Variants in CSMD1 observed in about 807,000 individuals in gnomAD.
CSMD1 encodes CUB and Sushi multiple domains 1.
In CSMD1, 213 loss-of-function variants were observed where a neutral mutation model predicts 417.5. The observed-to-expected ratio is 0.51, with a 90% CI of 0.46 to 0.57. The LOEUF is 0.57. Ranked by LOEUF, CSMD1 falls within the 20% of genes least tolerant of loss-of-function variation. The pLI, the probability that CSMD1 is intolerant of heterozygous loss-of-function variation, is 0.00. For synonymous variants in CSMD1, 2,862 were observed against 1,736.8 expected (o/e 1.65, Z -16.11); for missense variants, 6,923 against 4,529.7 (o/e 1.53, Z -15.17).
intron 10 of CSMD1, among the ~76,000 whole-genome samples, chr8:3,524,354 GA>G (rs1194230664): frequency 6.9e-6 from 1 of 144,506 alleles, no homozygotes. Flanking sequence ...CACCCAGAAA[GA>G]CAGGCGCACA....
intron 10 of CSMD1, among the ~76,000 whole-genome samples, chr8:3,497,603 A>G (rs960597935): frequency 3.9e-5 from 6 of 152,164 alleles, no homozygotes; most frequent in African/African-American, 1.4e-4. Context: ...GTTATCTGAT[A>G]AAAGTATGGC....
intron 5 of CSMD1, among the ~76,000 whole-genome samples, chr8:3,775,924 GA>G (rs1433382616): frequency 1.3e-5 from 2 of 152,172 alleles, no homozygotes; most frequent in Non-Finnish European, 2.9e-5. Context: ...CAGTCTCATG[GA>G]TGTGAATGCC....
chr8:3,785,582 T>A (rs954597517), intron 5 of CSMD1, among the ~76,000 whole-genome samples: 2 of 152,222 alleles, frequency 1.3e-5, no homozygotes, highest in African/African-American at 2.4e-5. Flanking sequence ...TAAGAACACT[T>A]AATTGGATCA....
chr8:3,246,254 A>G (rs992378564), intron 26 of CSMD1, among the ~76,000 whole-genome samples: 2 of 151,952 alleles, frequency 1.3e-5, no homozygotes, highest in Non-Finnish European at 2.9e-5. Context: ...CCAGCCCCTC[A>G]TTCTTCCTTG....
intron 26 of CSMD1, among the ~76,000 whole-genome samples, chr8:3,267,439 C>G (rs188381613): frequency 2.6e-5 from 4 of 152,134 alleles, no homozygotes; most frequent in African/African-American, 9.7e-5. Context: ...TGAGCAGTTG[C>G]GTGGTTGGTG....
rs564583364 is a variant in CSMD1 at position 4,530,793 on chromosome 8, T to A, written c.302+106549A>T. Among the ~76,000 whole-genome samples the A allele has an allele frequency of 3.2e-4, 49 of 151,748 alleles. No individual in the cohort carries two copies. The South Asian group carries it at 9.6e-3, about 30-fold the overall frequency. The stretch of plus-strand genomic sequence containing the variant: ...CAAGTCTTTGCTATTGACCCAGCAA[T>A]CCCATAGCCAAAGGATTATAAATCA... On this transcript the variant is annotated intron_variant, in intron 2 of 69. Coordinates refer to ENST00000635120, the MANE Select transcript of CSMD1 (RefSeq NM_033225.6).
At position 4,890,653 on chromosome 8, in the gene CSMD1, C is replaced by A. The variant is rs548455387; in HGVS notation, c.85+103679G>T. ...ACAGCCATGGGCATCCTGGGCAGGA[C>A]AGATGAGAGCGTGTGACTCCGACAC... On this transcript the variant is annotated intron_variant, in intron 1 of 69. Transcript: ENST00000635120. 2.0e-5 allele frequency among the ~76,000 whole-genome samples: 3 copies of A among 152,046 alleles called. No individual in the cohort carries two copies. In the South Asian group the frequency reaches 6.2e-4, roughly 32 times the overall value.
intron 5 of CSMD1, among the ~76,000 whole-genome samples, chr8:3,785,286 T>C (rs181898471): frequency 3.9e-5 from 6 of 152,308 alleles, no homozygotes; most frequent in African/African-American, 1.4e-4. Flanking sequence ...CAGAAGCATT[T>C]ATAAAATAAA....
chr8:4,373,410 A>C (rs537651684), intron 3 of CSMD1, among the ~76,000 whole-genome samples: 1 of 152,344 alleles, frequency 6.6e-6, no homozygotes, highest in South Asian at 2.1e-4. Flanking sequence ...AAATGTTAAC[A>C]ACAGAGGAGA....
In CSMD1 at chr8:4,994,829, G is replaced by C. The variant is rs555174138; in HGVS notation, c.-413C>G. The C allele has an allele frequency of 2.3e-4, 46 of 196,488 alleles. 1 individual carries two copies. The South Asian group carries it at 4.2e-3, about 18-fold the overall frequency. 12.2% of individuals were successfully genotyped at this position (196,488 alleles called of 1,614,324 possible). On this transcript the variant is annotated 5_prime_UTR_variant, in exon 1 of 70. Transcript: ENST00000635120. ...GGGAGATGCGGGGAGGGGGGCGCGG[G>C]GGGGAGGAGAGATCCAGTCTAGAGA...
intron 21 of CSMD1, among the ~76,000 whole-genome samples, chr8:3,352,254 G>T (rs975257654): frequency 1.3e-5 from 2 of 152,170 alleles, no homozygotes; most frequent in Admixed American, 6.5e-5. Flanking sequence ...ATCACATGAA[G>T]GAACTATGGG....
chr8:3,608,065 A>C (rs1169417527), intron 8 of CSMD1, among the ~76,000 whole-genome samples: 1 of 151,972 alleles, frequency 6.6e-6, no homozygotes, highest in Non-Finnish European at 1.5e-5. Context: ...CCATCTACTC[A>C]GGAGGCTGAG....
intron 12 of CSMD1, among the ~76,000 whole-genome samples, chr8:3,456,939 C>T (rs1216236690): frequency 1.3e-5 from 2 of 152,072 alleles, no homozygotes; most frequent in Non-Finnish European, 2.9e-5. Context: ...TCCTGCTGCA[C>T]TGTCTCACCC....
At chr8:4,061,399 A>C (rs949132654) in intron 3 of CSMD1, among the ~76,000 whole-genome samples, 6 of 152,264 alleles carry the variant, frequency 3.9e-5, no homozygotes, top group Non-Finnish European at 5.9e-5. Context: ...ACAACAGATT[A>C]AATCAGCTTC....
intron 3 of CSMD1, among the ~76,000 whole-genome samples, chr8:4,325,537 G>C (rs1799512329): frequency 6.6e-6 from 1 of 152,140 alleles, no homozygotes; most frequent in African/African-American, 2.4e-5. Context: ...GAATATCCAT[G>C]GCAACCAAAA....
At chr8:3,955,833 C>T (rs2740854) in intron 5 of CSMD1, among the ~76,000 whole-genome samples, 18,372 of 152,152 alleles carry the variant, frequency 0.12, 1,207 homozygotes, top group East Asian at 0.2. Context: ...GTTCACTTTG[C>T]CCCCTGCCAC....
At chr8:3,498,323 A>G (rs1796452508) in intron 10 of CSMD1, among the ~76,000 whole-genome samples, 1 of 152,230 alleles carries the variant, frequency 6.6e-6, no homozygotes, top group Non-Finnish European at 1.5e-5. Context: ...TGATACATGT[A>G]TACAAAGTTT....
intron 2 of CSMD1, among the ~76,000 whole-genome samples, chr8:4,435,790 A>G (rs973926888): frequency 1.3e-5 from 2 of 152,220 alleles, no homozygotes; most frequent in Non-Finnish European, 2.9e-5. Flanking sequence ...AAACAAGACA[A>G]TAGAAGACAG....
chr8:4,908,973 C>G (rs933242655), intron 1 of CSMD1, among the ~76,000 whole-genome samples: 2 of 152,260 alleles, frequency 1.3e-5, no homozygotes, highest in Non-Finnish European at 2.9e-5. Context: ...TTTAGCATGC[C>G]CCGTGCTTTT....
Sources: gnomAD v4.1 joint callset for allele counts (sites outside exome capture counted in the v4.1 genomes callset) on GRCh38, gnomAD v4.1.1 for gene constraint, MANE v1.5 for transcripts, NCBI Gene and HGNC (gene_info 2026-07-23, HGNC 2026-07-21) for gene names.